COL8A1: variants seen among roughly 807,000 people sequenced by gnomAD.
The protein encoded by COL8A1 is collagen type VIII alpha 1 chain, also known as collagen alpha-1(VIII) chain.
COL8A1 carries 21 observed loss-of-function variants against 42.7 expected under a neutral mutation model. The observed-to-expected ratio is 0.49, with a 90% CI of 0.35 to 0.71. COL8A1 has a LOEUF of 0.71. Ranked by LOEUF, COL8A1 falls within the 30% of genes least tolerant of loss-of-function variation. The pLI, the probability that COL8A1 is intolerant of heterozygous loss-of-function variation, is 0.01. For synonymous variants in COL8A1, 367 were observed against 369.1 expected (o/e 0.99, Z 0.06); for missense variants, 788 against 962.4 (o/e 0.82, Z 2.40).
intron 1 of COL8A1, among the ~76,000 whole-genome samples, chr3:99,718,197 G>T (rs1348366240): frequency 6.6e-6 from 1 of 151,988 alleles, no homozygotes; most frequent in Admixed American, 6.6e-5. Flanking sequence ...AGTCCACTGT[G>T]TATGATGTTA....
chr3:99,740,817 GA>G (rs1470373411), intron 1 of COL8A1, among the ~76,000 whole-genome samples: 12 of 151,902 alleles, frequency 7.9e-5, no homozygotes, highest in Non-Finnish European at 2.9e-5. Flanking sequence ...ATTAACAAAG[GA>G]AAAATACTGA....
rs1487529443 is a variant in COL8A1, at chr3:99,794,227, T to C, written c.329-3T>C. ...CCCCTTCTCTCTCTTCTCTTCCCAG[T>C]AGAAATACCATTAGCCAGTTTACGA... is the stretch of plus-strand genomic sequence containing the variant. On this transcript the variant is annotated splice_region_variant and splice_polypyrimidine_tract_variant and intron_variant, in intron 3 of 3. Transcript: ENST00000652472. This position sits in a 1 kb window ranked among gnomAD's most constrained non-coding sequence, Gnocchi z 4.3. 1 of 1,552,150 alleles carries C rather than the reference T, an allele frequency of 6.4e-7. No homozygotes were observed. Among genetic ancestry groups the C allele is most frequent in the Non-Finnish European group, 8.7e-7 (1 of 1,149,960 alleles).
chr3:99,710,973 A>G (rs181266513), intron 1 of COL8A1, among the ~76,000 whole-genome samples: 7 of 152,302 alleles, frequency 4.6e-5, no homozygotes, highest in Admixed American at 4.6e-4. Context: ...GCCTTACCCA[A>G]AGGTGATGAA....
At chr3:99,652,898 A>G (rs933714106) in intron 1 of COL8A1, among the ~76,000 whole-genome samples, 1 of 152,160 alleles carries the variant, frequency 6.6e-6, no homozygotes, top group Non-Finnish European at 1.5e-5. Flanking sequence ...AATACCTTAA[A>G]TTATCTATGG....
intron 1 of COL8A1, among the ~76,000 whole-genome samples, chr3:99,661,247 A>G (rs1293637511): frequency 6.6e-6 from 1 of 152,230 alleles, no homozygotes; most frequent in Non-Finnish European, 1.5e-5. Context: ...AAAAACTCCT[A>G]CAACTCAACA....
Position 99,796,271 on chromosome 3 carries a change from G to C in COL8A1, c.*135G>C. On this transcript the variant is annotated 3_prime_UTR_variant, in exon 4 of 4. Transcript: ENST00000652472. ...AAAGTTATATGTAAGTGAAAATTTG[G>C]ACCATTGTGTACAAATAAAAACTAA... The C allele has an allele frequency of 1.4e-6, 1 of 707,866 alleles. No homozygotes were observed. The highest frequency in any genetic ancestry group is 2.2e-6 in the Non-Finnish European group (1 of 459,820). 43.8% of individuals were successfully genotyped at this position (707,866 alleles called of 1,614,324 possible).
At chr3:99,726,626 C>T (rs200151812) in intron 1 of COL8A1, among the ~76,000 whole-genome samples, 24 of 152,008 alleles carry the variant, frequency 1.6e-4, no homozygotes, top group African/African-American at 5.8e-4. Flanking sequence ...AGCTTTCTAC[C>T]TATGGCTATC....
chr3:99,659,629 C>CA (rs912243671), intron 1 of COL8A1, among the ~76,000 whole-genome samples: 3 of 151,816 alleles, frequency 2.0e-5, no homozygotes, highest in South Asian at 2.1e-4. Context: ...AGTTCTATGG[C>CA]AAAAAAAGAG....
intron 2 of COL8A1, among the ~76,000 whole-genome samples, chr3:99,779,634 G>A (rs547248843): frequency 3.9e-4 from 59 of 152,304 alleles, no homozygotes; most frequent in African/African-American, 1.3e-3. Context: ...TAACAGGTAG[G>A]AGACGCGCCG....
In COL8A1 at chr3:99,796,654, G is replaced by A. The variant is rs2107461693; in HGVS notation, c.*518G>A. 6.6e-6 allele frequency: 1 copy of A among 152,376 alleles called. No individual in the cohort carries two copies. Among genetic ancestry groups the A allele is most frequent in the African/African-American group, 2.4e-5 (1 of 41,558 alleles). The allele number at this position is 152,376 out of a possible 1,614,324, so 9.4% of individuals were successfully genotyped here. ...GACCCGTAGTGTTACCGCCCCAGTG[G>A]GAGGGGGCCCTGGGGACCCTGGTAA... On this transcript the variant is annotated 3_prime_UTR_variant, in exon 4 of 4. Transcript: ENST00000652472.
chr3:99,764,263 T>A (rs904659005), intron 2 of COL8A1, among the ~76,000 whole-genome samples: 1 of 152,216 alleles, frequency 6.6e-6, no homozygotes. Flanking sequence ...AGTAGAGTTC[T>A]TTGCATGTAA....
rs747447074 is a variant in COL8A1, at chr3:99,790,881, G to A, written c.199G>A (p.Gly67Ser). The A allele has an allele frequency of 6.2e-7, 1 of 1,614,122 alleles. No homozygotes were observed. Among genetic ancestry groups the A allele is most frequent in the African/African-American group, 1.3e-5 (1 of 74,944 alleles). ...QVPHMPLAKD[G>S]LAMGKEMPHL... is the part of the protein sequence containing the mutation. Reference sequence around the variant, plus strand: ...ACCTCACATGCCTTTGGCCAAAGATGGCCTTGCCATGGGCAAGGAGATGCC... The same window carrying A: ...ACCTCACATGCCTTTGGCCAAAGATAGCCTTGCCATGGGCAAGGAGATGCC... The change falls in exon 3 of 4, where the codon GGC becomes AGC. Residue 67 changes from glycine (G) to serine (S), a missense_variant. Physicochemically the swap from Gly to Ser is moderately conservative, Grantham distance 56. Transcript: ENST00000652472.
At chr3:99,669,146 T>TATATATATATATATATATATATATATAG in intron 1 of COL8A1, among the ~76,000 whole-genome samples, 4 of 115,392 alleles carry the variant, frequency 3.5e-5, no homozygotes, top group African/African-American at 9.1e-5. Flanking sequence ...TATATATATA[T>TATATATATATATATATATATATATATAG]AGAGGGAGAG....
At chr3:99,673,623 TTTA>T (rs1207194739) in intron 1 of COL8A1, among the ~76,000 whole-genome samples, 1 of 152,136 alleles carries the variant, frequency 6.6e-6, no homozygotes, top group Non-Finnish European at 1.5e-5. Flanking sequence ...TTTCTTGTTT[TTTA>T]TTATTTTATT....
chr3:99,698,676 C>G (rs1939447894), intron 1 of COL8A1, among the ~76,000 whole-genome samples: 1 of 152,148 alleles, frequency 6.6e-6, no homozygotes, highest in African/African-American at 2.4e-5. Context: ...ACAATAGTAG[C>G]CCCCAGGCTC....
intron 1 of COL8A1, among the ~76,000 whole-genome samples, chr3:99,735,801 A>T (rs954645938): frequency 1.3e-4 from 19 of 151,986 alleles, no homozygotes; most frequent in African/African-American, 4.6e-4. Flanking sequence ...TTGCTTGGTA[A>T]GCTATTGATT....
intron 1 of COL8A1, among the ~76,000 whole-genome samples, chr3:99,715,231 G>A (rs1939962812): frequency 6.6e-6 from 1 of 152,062 alleles, no homozygotes; most frequent in Non-Finnish European, 1.5e-5. Context: ...GGTCAGGAGG[G>A]AGGCAGGATA....
At chr3:99,668,834 G>A (rs937927005) in intron 1 of COL8A1, among the ~76,000 whole-genome samples, 3 of 151,994 alleles carry the variant, frequency 2.0e-5, no homozygotes, top group Non-Finnish European at 2.9e-5. Context: ...AGGGTGTCAG[G>A]TCTAAAGAAG....
chr3:99,689,442 T>C (rs974924526), intron 1 of COL8A1, among the ~76,000 whole-genome samples: 3 of 152,184 alleles, frequency 2.0e-5, no homozygotes, highest in Non-Finnish European at 2.9e-5. Flanking sequence ...GTGATTGTTC[T>C]CAGGCACAGA....
Sources: gnomAD v4.1 joint callset for allele counts (sites outside exome capture counted in the v4.1 genomes callset) on GRCh38, gnomAD v4.1.1 for gene constraint, Gnocchi (gnomAD v3.1) non-coding constraint, MANE v1.5 for transcripts, NCBI Gene and HGNC (gene_info 2026-07-23, HGNC 2026-07-21) for gene names.